The following TSC2 variants were observed in gnomAD, a reference collection of about 807,000 sequenced individuals.
The protein encoded by TSC2 is tuberin.
In TSC2, 29 loss-of-function variants were observed where a neutral mutation model predicts 202.2. The observed-to-expected ratio is 0.14, with a 90% CI of 0.11 to 0.20. The LOEUF is 0.20. Ranked by LOEUF, TSC2 falls within the 10% of genes least tolerant of loss-of-function variation. The probability of loss-of-function intolerance (pLI) is 1.00; values close to 1 mark genes in which losing one functional copy is unlikely to be tolerated. For missense variants in TSC2, 2,429 were observed against 2,420.0 expected (o/e 1.00, Z -0.08); for synonymous variants, 1,349 against 1,044.0 (o/e 1.29, Z -5.63).
At chr16:2,056,792 G>T in intron 8 of TSC2, 23 bp downstream of exon 8, 1 of 1,604,566 alleles carries the variant, frequency 6.2e-7, no homozygotes. Flanking sequence ...AAACTGCTCT[G>T]GAAGGTTCCT....
chr16:2,051,937 C>G (rs771305589), intron 3 of TSC2, among the ~76,000 whole-genome samples: 2 of 152,062 alleles, frequency 1.3e-5, no homozygotes, highest in African/African-American at 4.8e-5. Flanking sequence ...TGGTGTCGGG[C>G]ACCTGTAATC....
intron 38 of TSC2, 189 bp downstream of exon 38, chr16:2,087,060 T>A: frequency 1.2e-6 from 1 of 827,936 alleles, no homozygotes; most frequent in Non-Finnish European, 1.9e-6. Flanking sequence ...CTGAAGCCTG[T>A]GGCGCCTGCT....
Position 2,079,765 on chromosome 16 carries a change from G to T in TSC2, c.3397+96G>T, listed in dbSNP as rs2089898551. The T allele has an allele frequency of 7.5e-7, 1 of 1,332,632 alleles. No homozygotes were observed. Among genetic ancestry groups the T allele is most frequent in the African/African-American group, 1.5e-5 (1 of 68,548 alleles). 82.6% of individuals were successfully genotyped at this position (1,332,632 alleles called of 1,614,324 possible). On this transcript the variant is annotated intron_variant, in intron 29 of 41. Transcript: ENST00000219476. This position sits in a 1 kb window ranked among gnomAD's most constrained non-coding sequence, Gnocchi z 4.6. ...AGGAAGGCCCCGAGCCCAGGGGCCG[G>T]GGTGGCTGGCTTCAGGCCCGGCCCA...
chr16:2,059,970 T>C (rs939735148), intron 10 of TSC2, among the ~76,000 whole-genome samples: 1 of 152,186 alleles, frequency 6.6e-6, no homozygotes, highest in Non-Finnish European at 1.5e-5. Context: ...CCAAAGGCTT[T>C]ATTCTCAAGC....
chr16:2,088,113 G>A lies in TSC2; in HGVS notation c.5134G>A (p.Ala1712Thr), dbSNP rs1596457926. ...GTCTGACCGCAACCTGCCCTTCGTG[G>A]CCCGCCAGATGGCCCTGCACGCAAA... ...IVSDRNLPFV[A>T]RQMALHANMA... The change falls in exon 40 of 42, where the codon GCC becomes ACC. Residue 1712 changes from alanine to threonine, a missense_variant. Coordinates refer to ENST00000219476, the MANE Select transcript of TSC2 (RefSeq NM_000548.5). The A allele has an allele frequency of 1.2e-6, 2 of 1,612,908 alleles. No individual in the cohort carries two copies. Among genetic ancestry groups the A allele is most frequent in the Non-Finnish European group, 1.7e-6 (2 of 1,180,000 alleles).
chr16:2,072,659 C>A, intron 20 of TSC2, 190 bp from the exon 21 acceptor site: 1 of 946,054 alleles, frequency 1.1e-6, no homozygotes, highest in Non-Finnish European at 1.6e-6. Context: ...ACCTCACATT[C>A]CTGGTGTGTT....
intron 3 of TSC2, among the ~76,000 whole-genome samples, chr16:2,052,688 G>A (rs993300751): frequency 6.6e-6 from 1 of 152,186 alleles, no homozygotes; most frequent in Non-Finnish European, 1.5e-5. Context: ...CGTGGCTGTT[G>A]GTTAATGTGG....
intron 5 of TSC2, chr16:2,054,975 C>T (rs117675371): frequency 0.023 from 7,856 of 341,400 alleles, 135 homozygotes; most frequent in Non-Finnish European, 0.031. Flanking sequence ...GGACAGGTGC[C>T]GGCCAGGTGC....
At chr16:2,064,156 TGAA>T in intron 14 of TSC2, 113 bp from the exon 15 acceptor site, 1 of 1,538,698 alleles carries the variant, frequency 6.5e-7, no homozygotes, top group Non-Finnish European at 9.0e-7. Flanking sequence ...CCAGCTGTGC[TGAA>T]GTCCCGAGGG....
chr16:2,071,982 G>T lies in TSC2; in HGVS notation c.2097+48G>T, dbSNP rs190309164. 8.6e-4 allele frequency: 1,318 copies of T among 1,530,476 alleles called. 15 individuals are homozygous for T. The African/African-American group carries it at 0.016, about 19-fold the overall frequency. The allele number at this position is 1,530,476 out of a possible 1,614,324, so 94.8% of individuals were successfully genotyped here. A position where few individuals can be genotyped will look rare whatever the true frequency, so the allele number is the denominator to read the frequency against. Reference sequence around the variant, plus strand: ...CATCCGTCCCACGTTGGGCCAGGAGGACAGGGAGCTGCCACCTGCCTGCTG... The same window carrying T: ...CATCCGTCCCACGTTGGGCCAGGAGTACAGGGAGCTGCCACCTGCCTGCTG... On this transcript the variant is annotated intron_variant, in intron 19 of 41. Transcript: ENST00000219476.
intron 3 of TSC2, 148 bp from the exon 4 acceptor site, chr16:2,053,194 C>G: frequency 1.3e-6 from 1 of 793,098 alleles, no homozygotes; most frequent in Non-Finnish European, 2.2e-6. Context: ...CTGCAGGAGA[C>G]ACAGGAGATA....
At chr16:2,055,264 T>G in intron 5 of TSC2, 138 bp from the exon 6 acceptor site, 1 of 771,796 alleles carries the variant, frequency 1.3e-6, no homozygotes, top group Non-Finnish European at 2.3e-6. Context: ...GTGCGTGGTC[T>G]GTCTGTTGCT....
At chr16:2,084,195 G>A (rs201823760) in intron 33 of TSC2, 33 bp from the exon 34 acceptor site, 1 of 1,557,068 alleles carries the variant, frequency 6.4e-7, no homozygotes, top group East Asian at 2.4e-5. Flanking sequence ...GGTGCCTGCT[G>A]ACAGGGGTTC....
At chr16:2,074,102 C>A in intron 21 of TSC2, 98 bp from the exon 22 acceptor site, 1 of 1,506,750 alleles carries the variant, frequency 6.6e-7, no homozygotes, top group East Asian at 2.3e-5. Flanking sequence ...TGCTAAGCCT[C>A]GGCTGTTCTC....
intron 8 of TSC2, 53 bp from the exon 9 acceptor site, chr16:2,057,052 G>A: frequency 6.5e-7 from 1 of 1,547,630 alleles, no homozygotes; most frequent in Non-Finnish European, 8.7e-7. Flanking sequence ...CGGGACTGGG[G>A]CTGGGGGCAG....
At chr16:2,063,966 C>T (rs1389397324) in intron 14 of TSC2, 9 of 486,280 alleles carry the variant, frequency 1.9e-5, no homozygotes, top group African/African-American at 7.8e-5. Flanking sequence ...GAGGGGTTCT[C>T]GGCTGTGACA....
chr16:2,088,058 C>T lies in TSC2; in HGVS notation c.5079C>T (p.Gly1693=), dbSNP rs1173469448. Residue 1693 remains glycine (G), a synonymous_variant, in exon 40 of 42, where the codon GGC becomes GGT. Coordinates refer to ENST00000219476, the MANE Select transcript of TSC2 (RefSeq NM_000548.5). ...VSLQCRKDME[G]LVDTSVAKIV... The stretch of plus-strand genomic sequence containing the variant: ...ACCAAGTCTCCCCAGACATGGAGGG[C>T]CTTGTGGACACCAGCGTGGCCAAGA... 3.7e-6 allele frequency: 6 copies of T among 1,612,510 alleles called. No homozygotes were observed. In the African/African-American group the frequency reaches 5.3e-5, roughly 14 times the overall value.
chr16:2,087,168 G>T, intron 38 of TSC2: 1 of 474,350 alleles, frequency 2.1e-6, no homozygotes, highest in East Asian at 4.0e-5. Flanking sequence ...GCGGCCCTTG[G>T]GCCCCCACCA....
chr16:2,070,414 T>C, intron 16 of TSC2, 42 bp from the exon 17 acceptor site: 1 of 1,613,136 alleles, frequency 6.2e-7, no homozygotes, highest in Non-Finnish European at 8.5e-7. Flanking sequence ...GGACTGCGTT[T>C]TCACCTCCTG....
Sources: allele counts gnomAD v4.1 joint callset (sites outside exome capture counted in the v4.1 genomes callset), GRCh38; gene constraint gnomAD v4.1.1; non-coding constraint Gnocchi (gnomAD v3.1); transcripts MANE v1.5; gene names NCBI Gene and HGNC (gene_info 2026-07-23, HGNC 2026-07-21).